The following DNM3 variants were observed in gnomAD, a reference collection of about 807,000 sequenced individuals.
DNM3 encodes the protein dynamin-3.
In DNM3, 47 loss-of-function variants were observed where a neutral mutation model predicts 101.6. The ratio of observed to expected loss-of-function variants is 0.46; its 90% CI spans 0.37 to 0.59. The LOEUF is 0.59. DNM3 is among the 20% of genes least tolerant of loss of function. The pLI is 0.00. For missense variants in DNM3, 849 were observed against 1,085.7 expected, an observed-to-expected ratio of 0.78 and a Z score of 3.06; for synonymous variants, 385 against 387.9, an observed-to-expected ratio of 0.99 and a Z score of 0.09.
At position 172,036,526 on chromosome 1, in the gene DNM3, G is replaced by C. The variant is rs866133709; in HGVS notation, c.850-1793G>C. Among the ~76,000 whole-genome samples the C allele has an allele frequency of 6.9e-3, 1,050 of 151,924 alleles. 18 individuals carry two copies. The highest frequency in any genetic ancestry group is 0.024 in the African/African-American group (988 of 41,440). ...ACTGTCTGATCTTTGACAAACCTGA[G>C]AAAAACAAGCAATGGGGAAAGGATT... is the stretch of plus-strand genomic sequence containing the variant. On this transcript the variant is annotated intron_variant, in intron 6 of 20. Transcript: ENST00000627582.
In DNM3 at chr1:172,411,538, T is replaced by TAAA. The variant is rs57654638; in HGVS notation, c.*3710_*3712dup. The TAAA allele has an allele frequency of 6.4e-6, 6 of 933,570 alleles. No homozygotes were observed. Among genetic ancestry groups the TAAA allele is most frequent in the Non-Finnish European group, 7.5e-6 (6 of 795,264 alleles). The allele number at this position is 933,570 out of a possible 1,614,324, so 57.8% of individuals were successfully genotyped here. On this transcript the variant is annotated 3_prime_UTR_variant, in exon 21 of 21. Transcript: ENST00000627582. ...AGTCATTTTTCCTCTATGGTAGAAG[T>TAAA]AAAAAAAAAAAAAAAGGACATAGCA...
chr1:172,090,700 T>C (rs1213502497), intron 12 of DNM3, among the ~76,000 whole-genome samples: 1 of 152,180 alleles, frequency 6.6e-6, no homozygotes, highest in Non-Finnish European at 1.5e-5. Flanking sequence ...TTCAGTTGAA[T>C]GCAGTGTTTT....
intron 13 of DNM3, among the ~76,000 whole-genome samples, chr1:172,107,142 G>T (rs1218701034): frequency 6.6e-6 from 1 of 150,902 alleles, no homozygotes; most frequent in African/African-American, 2.4e-5. Context: ...TTACAGGCGT[G>T]AGCCACCGCG....
chr1:172,274,775 A>G (rs897754104), intron 15 of DNM3, among the ~76,000 whole-genome samples: 1 of 145,950 alleles, frequency 6.9e-6, no homozygotes, highest in East Asian at 2.0e-4. Context: ...GCAAGGTCCT[A>G]TTGCACGCCT....
chr1:172,103,312 C>T (rs1187361434), intron 13 of DNM3, among the ~76,000 whole-genome samples: 1 of 152,158 alleles, frequency 6.6e-6, no homozygotes, highest in Non-Finnish European at 1.5e-5. Context: ...GGATTTTTGT[C>T]TCTTTTGCTT....
intron 16 of DNM3, among the ~76,000 whole-genome samples, chr1:172,315,537 G>A (rs937410834): frequency 1.4e-4 from 21 of 152,306 alleles, no homozygotes; most frequent in African/African-American, 4.8e-4. Flanking sequence ...ACAGAGAAGT[G>A]CTTAAAGGAG....
chr1:172,337,929 A>ATTTTATTTTATTTTATTTTATTT (rs2066519658), intron 17 of DNM3, among the ~76,000 whole-genome samples: 1 of 66,982 alleles, frequency 1.5e-5, no homozygotes, highest in Non-Finnish European at 3.7e-5. Context: ...TTATTTTATT[A>ATTTTATTTTATTTTATTTTATTT]TTTTGAGACA....
intron 15 of DNM3, among the ~76,000 whole-genome samples, chr1:172,279,088 C>T (rs115124930): frequency 1.3e-5 from 2 of 152,104 alleles, no homozygotes; most frequent in Non-Finnish European, 2.9e-5. Flanking sequence ...ACGATTGATG[C>T]TTTGCCACCT....
chr1:172,021,785 C>T (rs1159450755), intron 4 of DNM3, among the ~76,000 whole-genome samples: 1 of 152,126 alleles, frequency 6.6e-6, no homozygotes, highest in Non-Finnish European at 1.5e-5. Flanking sequence ...GTTGTTCTTT[C>T]CTGAAGAGAC....
intron 1 of DNM3, among the ~76,000 whole-genome samples, chr1:171,845,958 GT>G (rs2032019772): frequency 6.6e-6 from 1 of 152,086 alleles, no homozygotes; most frequent in South Asian, 2.1e-4. Flanking sequence ...AATAGAAAAA[GT>G]TTTTTGATTA....
chr1:172,190,282 G>T (rs1188768724), intron 14 of DNM3, among the ~76,000 whole-genome samples: 1 of 152,024 alleles, frequency 6.6e-6, no homozygotes, highest in Non-Finnish European at 1.5e-5. Context: ...CTGTCCTTGC[G>T]ATAGTTTGCT....
At chr1:172,185,853 A>G (rs934620847) in intron 14 of DNM3, among the ~76,000 whole-genome samples, 2 of 152,098 alleles carry the variant, frequency 1.3e-5, no homozygotes, top group African/African-American at 4.8e-5. Context: ...AAGCCTGGAG[A>G]AATGTCTTAG....
intron 14 of DNM3, among the ~76,000 whole-genome samples, chr1:172,235,807 G>A (rs1478026518): frequency 1.3e-5 from 2 of 151,914 alleles, no homozygotes; most frequent in African/African-American, 4.8e-5. Context: ...AGAACACTTG[G>A]ATACAGGAAG....
At chr1:172,231,206 A>C (rs575586633) in intron 14 of DNM3, among the ~76,000 whole-genome samples, 1 of 148,800 alleles carries the variant, frequency 6.7e-6, no homozygotes, top group African/African-American at 2.4e-5. Context: ...ACTGGGAGGC[A>C]CCCCCAGTAG....
intron 2 of DNM3, among the ~76,000 whole-genome samples, chr1:171,971,932 A>T (rs1224017925): frequency 6.6e-6 from 1 of 152,192 alleles, no homozygotes; most frequent in South Asian, 2.1e-4. Context: ...TTCTAAAAGG[A>T]AAGTCTGAGA....
chr1:171,871,688 A>C (rs1049244096), intron 1 of DNM3, among the ~76,000 whole-genome samples: 14 of 152,178 alleles, frequency 9.2e-5, no homozygotes, highest in Admixed American at 9.2e-4. Context: ...TTTTGGTTAA[A>C]ATTTTAATTG....
In DNM3 at chr1:172,033,206, G is replaced by T. The variant is rs371660188; in HGVS notation, c.790G>T (p.Ala264Ser). The change falls in exon 6 of 21, where the codon GCT (alanine) becomes TCT (serine). Residue 264 changes from alanine to serine, a missense_variant. Ala to Ser is a moderately conservative substitution (Grantham distance 99). Around this residue, in one of 5 missense-constraint regions of DNM3, gnomAD observed 388 missense variants for 483.0 expected, o/e 0.80. Transcript: ENST00000627582. The stretch of plus-strand genomic sequence containing the variant: ...GAGGAAGTTTTTCCTTTCCCACCCG[G>T]CTTACAGACATATCGCTGACCGAAT... ...AERKFFLSHP[A>S]YRHIADRMGT... 25 of 1,608,524 alleles carry T rather than the reference G, an allele frequency of 1.6e-5. No homozygotes were observed. Among genetic ancestry groups the T allele is most frequent in the Non-Finnish European group, 2.0e-5 (23 of 1,177,490 alleles).
Position 172,111,384 on chromosome 1 carries a change from A to G in DNM3, c.1545+18509A>G, listed in dbSNP as rs1199679842. Among the ~76,000 whole-genome samples, 2 of 152,270 alleles carry G rather than the reference A, an allele frequency of 1.3e-5. 1 individual carries two copies. Among genetic ancestry groups the G allele is most frequent in the Middle Eastern group, 6.3e-3 (2 of 316 alleles). The stretch of plus-strand genomic sequence containing the variant: ...TAAGTATTTGGTATTCCAAAGGAGT[A>G]TAAAGCACAGTTGATCTCTACTTGA... On this transcript the variant is annotated intron_variant, in intron 13 of 20. Coordinates refer to ENST00000627582, the MANE Select transcript of DNM3 (RefSeq NM_015569.5).
intron 2 of DNM3, among the ~76,000 whole-genome samples, chr1:171,980,855 C>T (rs1200028331): frequency 2.7e-5 from 4 of 150,424 alleles, no homozygotes; most frequent in Admixed American, 1.3e-4. Flanking sequence ...ACTGCAACCT[C>T]CACGTCTCAG....
Sources: gnomAD v4.1 joint callset for allele counts (sites outside exome capture counted in the v4.1 genomes callset) on GRCh38, gnomAD v4.1.1 for gene constraint, gnomAD v4.1.1 regional missense constraint, MANE v1.5 for transcripts, NCBI Gene and HGNC (gene_info 2026-07-23, HGNC 2026-07-21) for gene names.